LCN9: variants seen among roughly 807,000 people sequenced by gnomAD.
The protein encoded by LCN9 is lipocalin 9.
In LCN9, 22 loss-of-function variants were observed where a neutral mutation model predicts 18.5. That is an observed-to-expected ratio of 1.19 (90% CI 0.85 to 1.70). The LOEUF is 1.70. Among genes scored for constraint, LCN9 ranks in the 40% most tolerant of loss-of-function variants. The pLI is 0.00. For synonymous variants in LCN9, 89 were observed against 83.0 expected, an observed-to-expected ratio of 1.07 and a Z score of -0.39; for missense variants, 202 against 201.3, an observed-to-expected ratio of 1.00 and a Z score of -0.02.
chr9:135,666,073 G>C (rs370873420), exon 6 of LCN9: 4 of 1,599,538 alleles, frequency 2.5e-6, no homozygotes, highest in East Asian at 2.2e-5. Context: ...TCCTGGAGTC[G>C]GGGCAGTGAT....
Position 135,665,846 on chromosome 9 carries a change from CCT to C in LCN9, c.*10-12_*10-11del. The stretch of plus-strand genomic sequence containing the variant: ...GTCCCTGTCCCTGCGCTGAGAGCCC[CCT>C]CTGTCCTTCCAGATCCCTGCTACTC... On this transcript the variant is annotated splice_polypyrimidine_tract_variant and intron_variant, in intron 5 of 5. Coordinates refer to ENST00000619315, the Ensembl canonical transcript of LCN9. The surrounding 1 kb of genome is among the most constrained non-coding windows in gnomAD (Gnocchi z 5.9). 2 of 1,612,732 alleles carry C rather than the reference CCT, an allele frequency of 1.2e-6. No individual in the cohort carries two copies. Among genetic ancestry groups the C allele is most frequent in the Non-Finnish European group, 1.7e-6 (2 of 1,179,398 alleles).
At chr9:135,663,378 T>A in exon 1 of LCN9, 2 of 1,613,846 alleles carry the variant, frequency 1.2e-6, no homozygotes, top group Non-Finnish European at 1.7e-6. Context: ...AGGAGTTCGA[T>A]CCCCACACCG....
chr9:135,664,748 T>C lies in LCN9; in HGVS notation c.260T>C (p.Val87Ala), dbSNP rs1337570740. The C allele has an allele frequency of 6.3e-7, 1 of 1,598,676 alleles. No homozygotes were observed. Among genetic ancestry groups the C allele is most frequent in the African/African-American group, 1.3e-5 (1 of 74,576 alleles). The change falls in exon 3 of 6, where the codon GTC (valine) becomes GCC (alanine). Residue 87 changes from valine to alanine, a missense_variant. By Grantham distance (64) the Val-to-Ala change is moderately conservative. Coordinates refer to ENST00000619315, the Ensembl canonical transcript of LCN9. The surrounding 1 kb of genome is among the most constrained non-coding windows in gnomAD (Gnocchi z 4.5). ...GTGCAGGGGGAGTGTGTGGCTGTGG[T>C]CGTGGTCTGCGAGAAGACAGAGAAG...
At chr9:135,666,413 G>A in exon 6 of LCN9, 1 of 395,858 alleles carries the variant, frequency 2.5e-6, no homozygotes, top group Non-Finnish European at 4.6e-6. Context: ...TCTTCATGCA[G>A]AATGATCTCC....
rs538438156 is a variant in LCN9 at position 135,666,916 on chromosome 9, G to GC, written c.*1070dup. Among the ~76,000 whole-genome samples, 1,386 of 151,762 alleles carry GC rather than the reference G, an allele frequency of 9.1e-3. 9 individuals are homozygous for GC. The highest frequency in any genetic ancestry group is 0.022 in the South Asian group (106 of 4,796). Reference sequence around the variant, plus strand: ...TGTCACAGCTGAGGCAGGTGCCTGCGCCCCCGCCTCCATGTTTTGGTGAAT... The same window carrying GC: ...TGTCACAGCTGAGGCAGGTGCCTGCGCCCCCCGCCTCCATGTTTTGGTGAAT... On this transcript the variant is annotated 3_prime_UTR_variant, in exon 6 of 6. Transcript: ENST00000619315.
chr9:135,665,569 G>C lies in LCN9; in HGVS notation c.419-119G>C, dbSNP rs1824501745. On this transcript the variant is annotated intron_variant, in intron 4 of 5. Coordinates refer to ENST00000619315, the Ensembl canonical transcript of LCN9. The surrounding 1 kb of genome is among the most constrained non-coding windows in gnomAD (Gnocchi z 5.9). Reference sequence around the variant, plus strand: ...GGCACAAAGCCCCTCTCTGGTCAGGGCGTGACCCCCTGCCCAGCCTCAGCA... The same window carrying C: ...GGCACAAAGCCCCTCTCTGGTCAGGCCGTGACCCCCTGCCCAGCCTCAGCA... 5.9e-6 allele frequency: 6 copies of C among 1,024,204 alleles called. No individual in the cohort carries two copies. In the African/African-American group the frequency reaches 6.3e-5, roughly 11 times the overall value. 63.4% of individuals were successfully genotyped at this position (1,024,204 alleles called of 1,614,324 possible).
At position 135,666,156 on chromosome 9, in the gene LCN9, T is replaced by A; in HGVS notation, c.*305T>A. On this transcript the variant is annotated 3_prime_UTR_variant, in exon 6 of 6. Transcript: ENST00000619315. Reference sequence around the variant, plus strand: ...CTGTGTGAGTCTCCAGGGGCTGATGTCACCATATGCGGGTGACTAGGACAA... The same window carrying A: ...CTGTGTGAGTCTCCAGGGGCTGATGACACCATATGCGGGTGACTAGGACAA... 3 of 1,581,312 alleles carry A rather than the reference T, an allele frequency of 1.9e-6. No homozygotes were observed. In the South Asian group the frequency reaches 3.4e-5, roughly 18 times the overall value.
chr9:135,664,379 C>A lies in LCN9; in HGVS notation c.233+81C>A. 2 of 1,520,758 alleles carry A rather than the reference C, an allele frequency of 1.3e-6. No homozygotes were observed. Among genetic ancestry groups the A allele is most frequent in the Admixed American group, 1.7e-5 (1 of 59,320 alleles). The allele number at this position is 1,520,758 out of a possible 1,614,324, so 94.2% of individuals were successfully genotyped here. A position where few individuals can be genotyped will look rare whatever the true frequency, so the allele number is the denominator to read the frequency against. ...ACGCATACTCTCACTCTTGCACACA[C>A]ACGCTCGCACACTCACTGACTTGCA... On this transcript the variant is annotated intron_variant, in intron 2 of 5. Coordinates refer to ENST00000619315, the Ensembl canonical transcript of LCN9. The surrounding 1 kb of genome is among the most constrained non-coding windows in gnomAD (Gnocchi z 4.5).
exon 6 of LCN9, chr9:135,666,176 G>T: frequency 6.5e-7 from 1 of 1,547,282 alleles, no homozygotes; most frequent in South Asian, 1.2e-5. Context: ...CGGGTGACTA[G>T]GACAACCAGG....
chr9:135,664,342 C>A lies in LCN9; in HGVS notation c.233+44C>A. 1 of 1,610,348 alleles carries A rather than the reference C, an allele frequency of 6.2e-7. No individual in the cohort carries two copies. The highest frequency in any genetic ancestry group is 8.5e-7 in the Non-Finnish European group (1 of 1,177,832). On this transcript the variant is annotated intron_variant, in intron 2 of 5. Transcript: ENST00000619315. This position sits in a 1 kb window ranked among gnomAD's most constrained non-coding sequence, Gnocchi z 4.5. ...AGCTGGCATCAGGAAGACCCATGCC[C>A]CTGCCACCCCAACGCATACTCTCAC...
Position 135,665,744 on chromosome 9 carries a change from C to T in LCN9, c.*1C>T. The T allele has an allele frequency of 6.2e-7, 1 of 1,613,508 alleles. No individual in the cohort carries two copies. Among genetic ancestry groups the T allele is most frequent in the Non-Finnish European group, 8.5e-7 (1 of 1,179,704 alleles). The stretch of plus-strand genomic sequence containing the variant: ...GGCTCACAAAATATCATCGACTTGA[C>T]CAACAAAGGTCAGCCCCACTGCTCC... On this transcript the variant is annotated 3_prime_UTR_variant, in exon 5 of 6. Transcript: ENST00000619315. The surrounding 1 kb of genome is among the most constrained non-coding windows in gnomAD (Gnocchi z 5.9).
At chr9:135,666,400 C>A in exon 6 of LCN9, 1 of 427,276 alleles carries the variant, frequency 2.3e-6, no homozygotes, top group East Asian at 4.5e-5. Flanking sequence ...GATTTCGGGC[C>A]CATCTTCATG....
In LCN9 at chr9:135,663,545, T is replaced by C. The variant is rs574944087; in HGVS notation, c.96+128T>C. On this transcript the variant is annotated intron_variant, in intron 1 of 5. Coordinates refer to ENST00000619315, the Ensembl canonical transcript of LCN9. ...GGGAGCCCACCTCTCCTCCCCAAGCTGTGACAGCAGCCTGGGAGAGCAGGG... is the reference window on the plus strand; with the variant it reads ...GGGAGCCCACCTCTCCTCCCCAAGCCGTGACAGCAGCCTGGGAGAGCAGGG... The C allele has an allele frequency of 2.3e-4, 126 of 537,648 alleles. 1 individual carries two copies. The highest frequency in any genetic ancestry group is 2.1e-3 in the South Asian group (120 of 57,382). The allele number at this position is 537,648 out of a possible 1,614,324, so 33.3% of individuals were successfully genotyped here.
chr9:135,665,719 G>C lies in LCN9; in HGVS notation c.450G>C (p.Leu150Phe). 1 of 1,613,536 alleles carries C rather than the reference G, an allele frequency of 6.2e-7. No homozygotes were observed. Among genetic ancestry groups the C allele is most frequent in the Non-Finnish European group, 8.5e-7 (1 of 1,179,738 alleles). Reference sequence around the variant, plus strand: ...AGAAACCTGCGAAAAGTACGGACTTGGCTCACAAAATATCATCGACTTGAC... The same window carrying C: ...AGAAACCTGCGAAAAGTACGGACTTCGCTCACAAAATATCATCGACTTGAC... Residue 150 changes from leucine (L) to phenylalanine (F), a missense_variant, in exon 5 of 6, where the codon TTG becomes TTC. Leu to Phe is a conservative substitution (Grantham distance 22). Coordinates refer to ENST00000619315, the Ensembl canonical transcript of LCN9. The surrounding 1 kb of genome is among the most constrained non-coding windows in gnomAD (Gnocchi z 5.9).
In LCN9 at chr9:135,665,820, G is replaced by A; in HGVS notation, c.*10-41G>A. 1 of 1,612,118 alleles carries A rather than the reference G, an allele frequency of 6.2e-7. No individual in the cohort carries two copies. Among genetic ancestry groups the A allele is most frequent in the Non-Finnish European group, 8.5e-7 (1 of 1,179,094 alleles). ...GTGGGGATGGGAGGTGTGCCTGCGG[G>A]GTCCCTGTCCCTGCGCTGAGAGCCC... On this transcript the variant is annotated intron_variant, in intron 5 of 5. Transcript: ENST00000619315. This position sits in a 1 kb window ranked among gnomAD's most constrained non-coding sequence, Gnocchi z 5.9.
chr9:135,663,443 G>A, intron 1 of LCN9, 26 bp downstream of exon 1: 1 of 1,599,908 alleles, frequency 6.3e-7, no homozygotes, highest in Non-Finnish European at 8.6e-7. Context: ...GGTCTGTGGG[G>A]AAGGGGCCAG....
At position 135,665,397 on chromosome 9, in the gene LCN9, C is replaced by G; in HGVS notation, c.418+42C>G. Reference sequence around the variant, plus strand: ...CCTCTGACCCCCTCGGGGACCCCACCTCCTCTGAAGTCCGGCCCAACCCTG... The same window carrying G: ...CCTCTGACCCCCTCGGGGACCCCACGTCCTCTGAAGTCCGGCCCAACCCTG... On this transcript the variant is annotated intron_variant, in intron 4 of 5. Transcript: ENST00000619315. The surrounding 1 kb of genome is among the most constrained non-coding windows in gnomAD (Gnocchi z 5.9). 2 of 1,491,876 alleles carry G rather than the reference C, an allele frequency of 1.3e-6. No homozygotes were observed. Among genetic ancestry groups the G allele is most frequent in the Non-Finnish European group, 1.8e-6 (2 of 1,091,706 alleles). The allele number at this position is 1,491,876 out of a possible 1,614,324, so 92.4% of individuals were successfully genotyped here.
Position 135,665,956 on chromosome 9 carries a change from G to C in LCN9, c.*105G>C, listed in dbSNP as rs181545796. The C allele has an allele frequency of 9.2e-4, 1,470 of 1,602,194 alleles. 8 individuals are homozygous for C. Among genetic ancestry groups the C allele is most frequent in the South Asian group, 4.3e-3 (392 of 90,294 alleles). Reference sequence around the variant, plus strand: ...CAGGGGGCTGGATGGGGAGAGCTTGGGGCCAACGTCAGAGGCTGCGGGGTC... The same window carrying C: ...CAGGGGGCTGGATGGGGAGAGCTTGCGGCCAACGTCAGAGGCTGCGGGGTC... On this transcript the variant is annotated 3_prime_UTR_variant, in exon 6 of 6. Coordinates refer to ENST00000619315, the Ensembl canonical transcript of LCN9. The surrounding 1 kb of genome is among the most constrained non-coding windows in gnomAD (Gnocchi z 5.9).
At position 135,663,364 on chromosome 9, in the gene LCN9, G is replaced by T. The variant is rs376089560; in HGVS notation, c.43G>T (p.Ala15Ser). The T allele has an allele frequency of 8.7e-6, 14 of 1,613,840 alleles. No individual in the cohort carries two copies. The highest frequency in any genetic ancestry group is 1.3e-5 in the African/African-American group (1 of 74,928). ...GAGCCTGGGGCTGAGCCTCATCGCA[G>T]CCCAGGAGTTCGATCCCCACACCGT... The change falls in exon 1 of 6, where the codon GCC becomes TCC. Residue 15 changes from alanine (A) to serine (S), a missense_variant. Physicochemically the swap from Ala to Ser is moderately conservative, Grantham distance 99. Transcript: ENST00000619315.
Sources: gnomAD v4.1 joint callset for allele counts (sites outside exome capture counted in the v4.1 genomes callset) on GRCh38, gnomAD v4.1.1 for gene constraint, Gnocchi (gnomAD v3.1) non-coding constraint, MANE v1.5 for transcripts, NCBI Gene and HGNC (gene_info 2026-07-23, HGNC 2026-07-21) for gene names.